The following PLOD1 variants were observed in gnomAD, a reference collection of about 807,000 sequenced individuals.
PLOD1 encodes the protein lysine hydroxylase.
In PLOD1, 70 loss-of-function variants were observed where a neutral mutation model predicts 94.7. The observed-to-expected ratio is 0.74, with a 90% CI of 0.61 to 0.90. The LOEUF is 0.90. Ranked by LOEUF, PLOD1 falls within the 40% of genes least tolerant of loss-of-function variation. The probability of loss-of-function intolerance (pLI) is 0.00; values close to 1 mark genes in which losing one functional copy is unlikely to be tolerated. For missense variants in PLOD1, 905 were observed against 972.7 expected (o/e 0.93, Z 0.93); for synonymous variants, 417 against 400.2 (o/e 1.04, Z -0.50).
Position 11,963,388 on chromosome 1 carries a change from G to T in PLOD1, c.1098-144G>T. 1.5e-6 allele frequency: 1 copy of T among 681,952 alleles called. No homozygotes were observed. Among genetic ancestry groups the T allele is most frequent in the South Asian group, 1.6e-5 (1 of 63,754 alleles). 42.2% of individuals were successfully genotyped at this position (681,952 alleles called of 1,614,324 possible). On this transcript the variant is annotated intron_variant, in intron 10 of 18. Coordinates refer to ENST00000196061, the MANE Select transcript of PLOD1 (RefSeq NM_000302.4). The surrounding 1 kb of genome is among the most constrained non-coding windows in gnomAD (Gnocchi z 4.3). ...GTCCAGGGGTTTGGGACTCAGAGTC[G>T]GGAGGAACCTTTGAGGCTGCTGGTG...
chr1:11,967,000 T>C lies in PLOD1; in HGVS notation c.1664T>C (p.Val555Ala). Residue 555 changes from valine to alanine, a missense_variant, in exon 16 of 19, where the codon GTC (valine) becomes GCC (alanine). Val to Ala is a moderately conservative substitution (Grantham distance 64, BLOSUM62 0). Coordinates refer to ENST00000196061, the MANE Select transcript of PLOD1 (RefSeq NM_000302.4). ...TGCCCTCCCCAGCCCTGCCCGGATG[T>C]CTATTGGTTCCCCATCTTCACGGAG... ...GKLVETPCPDVYWFPIFTEVA... is the reference protein window; with the variant it reads ...GKLVETPCPDAYWFPIFTEVA... 6.2e-7 allele frequency: 1 copy of C among 1,612,328 alleles called. No individual in the cohort carries two copies. The highest frequency in any genetic ancestry group is 1.7e-4 in the Middle Eastern group (1 of 6,058).
rs1020813277 is a variant in PLOD1, at chr1:11,964,220, G to A, written c.1248G>A (p.Ser416=). 3 of 1,604,502 alleles carry A rather than the reference G, an allele frequency of 1.9e-6. No homozygotes were observed. The highest frequency in any genetic ancestry group is 2.6e-6 in the Non-Finnish European group (3 of 1,174,322). ...TGACCCGGCATGGGAGGCTGTGGTC[G>A]AACTTCTGGGGGGCTCTCAGTGCAG... ...PLMTRHGRLW[S]NFWGALSADG... The change falls in exon 12 of 19, where the codon TCG becomes TCA. Residue 416 remains serine, a synonymous_variant. Transcript: ENST00000196061.
At chr1:11,966,963 T>C in intron 15 of PLOD1, 24 bp from the exon 16 acceptor site, 2 of 1,451,184 alleles carry the variant, frequency 1.4e-6, no homozygotes, top group Non-Finnish European at 1.9e-6. Context: ...TGGACCCCCT[T>C]GACTGAGTCC....
chr1:11,942,071 C>T (rs1645619599), intron 1 of PLOD1, among the ~76,000 whole-genome samples: 1 of 151,310 alleles, frequency 6.6e-6, no homozygotes, highest in South Asian at 2.1e-4. Context: ...CAACCTCTGC[C>T]TCCTGGGTTC....
At chr1:11,950,263 T>G in intron 3 of PLOD1, 94 bp from the exon 4 acceptor site, 1 of 1,255,736 alleles carries the variant, frequency 8.0e-7, no homozygotes. Context: ...GGGCCATTTG[T>G]GGAGCACTTG....
At position 11,964,317 on chromosome 1, in the gene PLOD1, TGGGG is replaced by T; in HGVS notation, c.1328+19_1328+22del. The T allele has an allele frequency of 4.2e-6, 1 of 238,148 alleles. No individual in the cohort carries two copies. The highest frequency in any genetic ancestry group is 8.4e-6 in the Non-Finnish European group (1 of 119,510). 14.8% of individuals were successfully genotyped at this position (238,148 alleles called of 1,614,324 possible). The stretch of plus-strand genomic sequence containing the variant: ...GCGGCGTGTGTGAGTACCTGCAGGG[TGGGG>T]GTGGGTGGGGGACACCTTCATCTGG... On this transcript the variant is annotated intron_variant, in intron 12 of 18. Coordinates refer to ENST00000196061, the MANE Select transcript of PLOD1 (RefSeq NM_000302.4).
intron 16 of PLOD1, among the ~76,000 whole-genome samples, chr1:11,968,947 T>G (rs1645841979): frequency 6.7e-6 from 1 of 149,226 alleles, no homozygotes; most frequent in Non-Finnish European, 1.5e-5. Flanking sequence ...AACCTCTGCC[T>G]CCTGAGTTCA....
chr1:11,941,959 C>G (rs565672859), intron 1 of PLOD1, among the ~76,000 whole-genome samples: 1 of 150,018 alleles, frequency 6.7e-6, no homozygotes, highest in East Asian at 2.0e-4. Flanking sequence ...GCTGGGATTA[C>G]AGGTGTGTGA....
Position 11,958,886 on chromosome 1 carries a change from C to G in PLOD1, c.975+239C>G, listed in dbSNP as rs1645758555. Among the ~76,000 whole-genome samples the G allele has an allele frequency of 1.3e-5, 2 of 152,190 alleles. No individual in the cohort carries two copies. Among genetic ancestry groups the G allele is most frequent in the South Asian group, 4.1e-4 (2 of 4,836 alleles). On this transcript the variant is annotated intron_variant, in intron 9 of 18. Coordinates refer to ENST00000196061, the MANE Select transcript of PLOD1 (RefSeq NM_000302.4). This position sits in a 1 kb window ranked among gnomAD's most constrained non-coding sequence, Gnocchi z 4.3. ...ACCTTGGGCACATTACTCAACCTCT[C>G]TGTGCTTTAGTTTCTCATCTATAAA...
chr1:11,947,921 C>A, intron 1 of PLOD1, 55 bp from the exon 2 acceptor site: 2 of 1,151,684 alleles, frequency 1.7e-6, no homozygotes, highest in Non-Finnish European at 2.6e-6. Flanking sequence ...AGACCTCCTC[C>A]CTGTCACCTC....
At position 11,950,357 on chromosome 1, in the gene PLOD1, C is replaced by T. The variant is rs147980436; in HGVS notation, c.303C>T (p.Ser101=). The change falls in exon 4 of 19, where the codon AGC becomes AGT. Residue 101 remains serine, a splice_region_variant and synonymous_variant. Coordinates refer to ENST00000196061, the MANE Select transcript of PLOD1 (RefSeq NM_000302.4). ...KEDLVILFAD[S]YDVLFASGPR... ...CGTCTTCTCGCTGCTCTGGCCACAG[C>T]TATGACGTGCTGTTTGCATCGGGGC... 402 of 1,613,980 alleles carry T rather than the reference C, an allele frequency of 2.5e-4. No individual in the cohort carries two copies. The highest frequency in any genetic ancestry group is 3.4e-4 in the Non-Finnish European group (398 of 1,179,988).
At position 11,948,857 on chromosome 1, in the gene PLOD1, G is replaced by A. The variant is rs181231735; in HGVS notation, c.168+790G>A. Among the ~76,000 whole-genome samples the A allele has an allele frequency of 2.9e-3, 446 of 152,340 alleles. 1 individual carries two copies. Among genetic ancestry groups the A allele is most frequent in the African/African-American group, 0.01 (421 of 41,580 alleles). ...CCCTGCAGGGAGACGAGTATCCTGA[G>A]TGCTTCCTTATGTCAGGCACAAGGT... On this transcript the variant is annotated intron_variant, in intron 2 of 18. Transcript: ENST00000196061.
chr1:11,955,166 G>C (rs1172905740), intron 6 of PLOD1, among the ~76,000 whole-genome samples: 2 of 152,218 alleles, frequency 1.3e-5, no homozygotes, highest in African/African-American at 4.8e-5. Context: ...TGCATACCAG[G>C]TCCTTACAGG....
At chr1:11,949,356 T>TGG (rs1406825553) in intron 2 of PLOD1, among the ~76,000 whole-genome samples, 1 of 152,028 alleles carries the variant, frequency 6.6e-6, no homozygotes, top group Admixed American at 6.6e-5. Context: ...CTCATACAGG[T>TGG]GGAGAATGGT....
chr1:11,965,511 C>T lies in PLOD1; in HGVS notation c.1502C>T (p.Thr501Ile), dbSNP rs779104605. Residue 501 changes from threonine (T) to isoleucine (I), a missense_variant, in exon 14 of 19, where the codon ACC becomes ATC. Coordinates refer to ENST00000196061, the MANE Select transcript of PLOD1 (RefSeq NM_000302.4). ...TTCATGTTCCTGACCAACCGGCACA[C>T]CCTTGGCCATCTGCTCTCCCTAGAC... is the stretch of plus-strand genomic sequence containing the variant. Reference protein sequence around the residue: ...DVFMFLTNRHTLGHLLSLDSY... With the variant: ...DVFMFLTNRHILGHLLSLDSY... 1 of 1,613,566 alleles carries T rather than the reference C, an allele frequency of 6.2e-7. No homozygotes were observed. The highest frequency in any genetic ancestry group is 8.5e-7 in the Non-Finnish European group (1 of 1,179,780).
chr1:11,971,568 A>C (rs1645864191), intron 17 of PLOD1: 1 of 153,284 alleles, frequency 6.5e-6, no homozygotes, highest in East Asian at 1.9e-4. Context: ...GGGTTTCACC[A>C]TGTTGGCCAG....
intron 1 of PLOD1, among the ~76,000 whole-genome samples, chr1:11,936,988 C>T (rs1351407510): frequency 6.6e-6 from 1 of 152,030 alleles, no homozygotes; most frequent in East Asian, 1.9e-4. Context: ...GCTGGGATTA[C>T]AGGCGGATGC....
At chr1:11,954,780 C>T (rs777249474) in intron 5 of PLOD1, 50 bp from the exon 6 acceptor site, 6 of 1,364,498 alleles carry the variant, frequency 4.4e-6, no homozygotes, top group Non-Finnish European at 6.3e-6. Flanking sequence ...GTAGCCCCAG[C>T]CTCCCCCAGG....
At chr1:11,945,643 T>C (rs1277107335) in intron 1 of PLOD1, among the ~76,000 whole-genome samples, 2 of 152,152 alleles carry the variant, frequency 1.3e-5, no homozygotes, top group Admixed American at 6.5e-5. Flanking sequence ...GAGAGGGCCT[T>C]GAATGCCAGG....
Sources: gnomAD v4.1 joint callset for allele counts (sites outside exome capture counted in the v4.1 genomes callset) on GRCh38, gnomAD v4.1.1 for gene constraint, Gnocchi (gnomAD v3.1) non-coding constraint, MANE v1.5 for transcripts, NCBI Gene and HGNC (gene_info 2026-07-23, HGNC 2026-07-21) for gene names.